Variants in CHD2 observed in about 807,000 individuals in gnomAD.
CHD2 encodes ATP-dependent chromatin remodeler CHD2.
CHD2 carries 28 observed loss-of-function variants against 243.9 expected under a neutral mutation model. The ratio of observed to expected loss-of-function variants is 0.11; its 90% CI spans 0.09 to 0.16. The LOEUF (loss-of-function observed/expected upper bound fraction) is 0.16. CHD2 is among the 10% of genes least tolerant of loss of function. The pLI is 1.00. For missense variants in CHD2, 1,386 were observed against 2,209.8 expected, an observed-to-expected ratio of 0.63 and a Z score of 7.47; for synonymous variants, 775 against 779.0, an observed-to-expected ratio of 0.99 and a Z score of 0.09.
chr15:92,956,408 T>G, intron 15 of CHD2, 51 bp from the exon 16 acceptor site: 1 of 1,398,994 alleles, frequency 7.1e-7, no homozygotes, highest in South Asian at 1.2e-5. Context: ...TGAAAGCACT[T>G]GTGGGTTCCC....
chr15:92,972,695 C>A (rs2053857400), intron 19 of CHD2, among the ~76,000 whole-genome samples: 1 of 49,524 alleles, frequency 2.0e-5, no homozygotes, highest in African/African-American at 4.3e-5. Flanking sequence ...ACTAAAAATA[C>A]AAAAAATTAG....
At position 92,953,436 on chromosome 15, in the gene CHD2, C is replaced by A; in HGVS notation, c.1582C>A (p.His528Asn). 6.2e-7 allele frequency: 1 copy of A among 1,614,122 alleles called. No individual in the cohort carries two copies. Among genetic ancestry groups the A allele is most frequent in the Non-Finnish European group, 8.5e-7 (1 of 1,180,010 alleles). ...CATATCATTCCTCTCCTACCTGTTC[C>A]ACCAACACCAGCTGTATGGCCCCTT... ...QTISFLSYLF[H>N]QHQLYGPFLI... Residue 528 changes from histidine to asparagine, a missense_variant, in exon 14 of 39, where the codon CAC (histidine) becomes AAC (asparagine). By Grantham distance (68) the His-to-Asn change is moderately conservative (BLOSUM62 1). Transcript: ENST00000394196.
intron 33 of CHD2, among the ~76,000 whole-genome samples, 193 bp downstream of exon 33, chr15:93,002,510 G>T (rs541551087): frequency 6.6e-6 from 1 of 152,168 alleles, no homozygotes; most frequent in Non-Finnish European, 1.5e-5. Flanking sequence ...CAAGTTTGGG[G>T]TGTTCTTTAA....
At chr15:92,903,846 GATTT>G (rs1193730427) in intron 2 of CHD2, among the ~76,000 whole-genome samples, 1 of 152,188 alleles carries the variant, frequency 6.6e-6, no homozygotes, top group Non-Finnish European at 1.5e-5. Flanking sequence ...CTTTGAGCCA[GATTT>G]ATTTTTATAA....
Position 92,985,689 on chromosome 15 carries a change from G to A in CHD2, c.3413+16G>A, listed in dbSNP as rs114892796. 2.3e-3 allele frequency: 3,635 copies of A among 1,602,326 alleles called. 77 individuals are homozygous for A. In the African/African-American group the frequency reaches 0.043, roughly 19 times the overall value. ...AGATCCGAAGGTTGGTGGAGGCTCT[G>A]TTCTCACTGAGCTTGTTTGAAAGTG... On this transcript the variant is annotated intron_variant, in intron 26 of 38. Transcript: ENST00000394196.
intron 5 of CHD2, among the ~76,000 whole-genome samples, chr15:92,931,247 A>C (rs999220624): frequency 1.4e-4 from 22 of 152,182 alleles, no homozygotes; most frequent in African/African-American, 5.3e-4. Context: ...TTAAAAAGGG[A>C]CCATTTTGTA....
In CHD2 at chr15:92,987,856, T is replaced by TA. The variant is rs199912031; in HGVS notation, c.3413+2183_3413+2184insA. Among the ~76,000 whole-genome samples the TA allele has an allele frequency of 4.9e-3, 748 of 151,404 alleles. 11 individuals carry two copies. Among genetic ancestry groups the TA allele is most frequent in the African/African-American group, 0.017 (699 of 41,214 alleles). ...ATTTTAATTACCTTAAAAAAAAAACTTTTTTTTTCACTTATTTTCTTAGTG... is the reference window on the plus strand; with the variant it reads ...ATTTTAATTACCTTAAAAAAAAAACTATTTTTTTTCACTTATTTTCTTAGTG... On this transcript the variant is annotated intron_variant, in intron 26 of 38. Transcript: ENST00000394196.
chr15:92,976,059 C>G (rs1033749585), intron 20 of CHD2, among the ~76,000 whole-genome samples: 7 of 152,202 alleles, frequency 4.6e-5, no homozygotes, highest in African/African-American at 1.7e-4. Context: ...ATCACATTGC[C>G]CAGTGCATAG....
chr15:92,956,712 C>T (rs2053620688), intron 16 of CHD2, 63 bp downstream of exon 16: 1 of 1,479,650 alleles, frequency 6.8e-7, no homozygotes, highest in South Asian at 1.3e-5. Context: ...TGCTTTTTAA[C>T]TTTCTTAGTA....
intron 34 of CHD2, among the ~76,000 whole-genome samples, chr15:93,007,242 T>C (rs745984514): frequency 5.0e-4 from 76 of 152,384 alleles, no homozygotes; most frequent in Admixed American, 1.0e-3. Context: ...TGTTAATTTT[T>C]GCTAATCTGA....
intron 13 of CHD2, chr15:92,949,336 T>C (rs1361012854): frequency 2.5e-6 from 2 of 814,828 alleles, no homozygotes; most frequent in African/African-American, 1.8e-5. Context: ...GCCAGAAACC[T>C]GTATCATCAT....
chr15:92,921,759 T>C (rs1297092966), intron 2 of CHD2, among the ~76,000 whole-genome samples: 1 of 152,114 alleles, frequency 6.6e-6, no homozygotes, highest in African/African-American at 2.4e-5. Flanking sequence ...TAGCTGCCAT[T>C]AGATGTTCTT....
intron 16 of CHD2, among the ~76,000 whole-genome samples, chr15:92,966,727 A>G (rs1367074450): frequency 2.0e-5 from 3 of 152,038 alleles, no homozygotes; most frequent in Admixed American, 2.0e-4. Flanking sequence ...CCTGGCCAAC[A>G]TGATGAAACC....
At chr15:92,986,892 T>A (rs2054050538) in intron 26 of CHD2, among the ~76,000 whole-genome samples, 1 of 152,102 alleles carries the variant, frequency 6.6e-6, no homozygotes, top group Non-Finnish European at 1.5e-5. Context: ...CCACCATGTC[T>A]GGCTAATTAA....
chr15:92,963,150 G>C (rs1389421116), intron 16 of CHD2, among the ~76,000 whole-genome samples: 3 of 152,078 alleles, frequency 2.0e-5, no homozygotes, highest in Non-Finnish European at 4.4e-5. Context: ...CTTTTGATTG[G>C]AATATTTAGT....
intron 5 of CHD2, among the ~76,000 whole-genome samples, chr15:92,930,140 C>A (rs1054768930): frequency 1.3e-5 from 2 of 152,172 alleles, no homozygotes; most frequent in African/African-American, 4.8e-5. Context: ...GCCCCAGTCT[C>A]CTGGTCTGCT....
Position 92,940,938 on chromosome 15 carries a change from A to T in CHD2, c.693-884A>T, listed in dbSNP as rs188295630. ...TAAATATACATATAAATATATATAAAATATATATAAATATAAATATATATA... is the reference window on the plus strand; with the variant it reads ...TAAATATACATATAAATATATATAATATATATATAAATATAAATATATATA... On this transcript the variant is annotated intron_variant, in intron 7 of 38. Transcript: ENST00000394196. 7.0e-3 allele frequency among the ~76,000 whole-genome samples: 961 copies of T among 136,736 alleles called. 45 individuals carry two copies. The highest frequency in any genetic ancestry group is 0.064 in the Admixed American group (805 of 12,574). 89.7% of individuals were successfully genotyped at this position (136,736 alleles called of 152,430 possible). A position where few individuals can be genotyped will look rare whatever the true frequency, so the allele number is the denominator to read the frequency against.
At chr15:92,994,483 A>G (rs1012881213) in intron 28 of CHD2, among the ~76,000 whole-genome samples, 11 of 152,080 alleles carry the variant, frequency 7.2e-5, no homozygotes, top group African/African-American at 2.7e-4. Context: ...GTCAAAACTT[A>G]TTTTAAGATA....
chr15:93,012,435 A>G lies in CHD2; in HGVS notation c.4683A>G (p.Gln1561=). 1 of 1,596,214 alleles carries G rather than the reference A, an allele frequency of 6.3e-7. No individual in the cohort carries two copies. The highest frequency in any genetic ancestry group is 8.5e-7 in the Non-Finnish European group (1 of 1,170,994). The change falls in exon 36 of 39, where the codon CAA becomes CAG. Residue 1561 remains glutamine (Q), a synonymous_variant. Transcript: ENST00000394196. ...LYKMAHKKRS[Q]EEEEQKKKDD... ...AGATGGCTCATAAGAAAAGGTCTCA[A>G]GAAGAAGAGGTAAAGTACAAATTCA...
Sources: gnomAD v4.1 joint callset for allele counts (sites outside exome capture counted in the v4.1 genomes callset) on GRCh38, gnomAD v4.1.1 for gene constraint, MANE v1.5 for transcripts, NCBI Gene and HGNC (gene_info 2026-07-23, HGNC 2026-07-21) for gene names.